The following BEST2 variants were observed in gnomAD, a reference collection of about 807,000 sequenced individuals.
BEST2 encodes the protein bestrophin-2a.
Under a neutral mutation model 49.0 loss-of-function variants are expected in BEST2, and 36 were observed. The observed-to-expected ratio is 0.73, with a 90% CI of 0.56 to 0.97. The LOEUF (loss-of-function observed/expected upper bound fraction) is 0.97. Among genes scored for constraint, BEST2 ranks in the 50% least tolerant of loss-of-function variants. The pLI is 0.00. For synonymous variants in BEST2, 335 were observed against 304.4 expected, an observed-to-expected ratio of 1.10 and a Z score of -1.05; for missense variants, 672 against 710.0, an observed-to-expected ratio of 0.95 and a Z score of 0.61.
At chr19:12,756,600 T>G in intron 9 of BEST2, 1 of 351,294 alleles carries the variant, frequency 2.8e-6, no homozygotes, top group South Asian at 3.4e-5. Flanking sequence ...TCCCAGTACT[T>G]TGGGAGGCTG....
At position 12,758,054 on chromosome 19, in the gene BEST2, G is replaced by T; in HGVS notation, c.1507G>T (p.Glu503Ter). The T allele has an allele frequency of 6.2e-7, 1 of 1,611,850 alleles. No homozygotes were observed. The change falls in exon 10 of 10, where the codon GAG becomes TAG. Residue 503 changes from glutamate (E) to a stop codon, truncating the protein, a stop_gained. Transcript: ENST00000553030. LOFTEE classifies it high-confidence loss of function. ...ACCCTGGCTGCCCAGCCCTATTGGC[G>T]AGGAGGAGGAGAATCTGGCCTGAGA... Reference protein sequence around the residue: ...APPWLPSPIGEEEENLA With the variant: ...APPWLPSPIG
chr19:12,752,722 A>G lies in BEST2; in HGVS notation c.130A>G (p.Met44Val). The change falls in exon 2 of 10, where the codon ATG becomes GTG. Residue 44 changes from methionine (M) to valine (V), a missense_variant. Around this residue, in one of 3 missense-constraint regions of BEST2, gnomAD observed 365 missense variants for 390.9 expected, o/e 0.93. Coordinates refer to ENST00000553030, the MANE Select transcript of BEST2 (RefSeq NM_017682.3). ...RELLCFLGFY[M>V]ALSAAYRFVL... is the part of the protein sequence containing the mutation. ...GCTGCTCTGCTTCCTTGGGTTCTAC[A>G]TGGCGCTGAGTGCTGCCTACCGGTG... is the stretch of plus-strand genomic sequence containing the variant. The G allele has an allele frequency of 1.2e-6, 2 of 1,612,158 alleles. No homozygotes were observed. The highest frequency in any genetic ancestry group is 1.7e-6 in the Non-Finnish European group (2 of 1,179,742).
intron 9 of BEST2, chr19:12,756,545 A>G (rs1213383115): frequency 1.5e-5 from 8 of 533,378 alleles, no homozygotes; most frequent in African/African-American, 3.8e-5. Flanking sequence ...GGTGATTCCA[A>G]AGGAGATGAG....
Position 12,754,662 on chromosome 19 carries a change from CGCG to C in BEST2, c.361_363del (p.Gly121del). The C allele has an allele frequency of 1.3e-6, 2 of 1,560,138 alleles. No individual in the cohort carries two copies. The highest frequency in any genetic ancestry group is 1.7e-6 in the Non-Finnish European group (2 of 1,151,846). ...GGGCACCGTGCACGGACGCGACGAC[CGCG>C]GCCGCCTCTACCGGCGCACACTCAT... is the stretch of plus-strand genomic sequence containing the variant. On this transcript the variant is annotated inframe_deletion, in exon 4 of 10. Transcript: ENST00000553030.
intron 3 of BEST2, 143 bp downstream of exon 3, chr19:12,753,497 G>T: frequency 1.4e-6 from 1 of 740,656 alleles, no homozygotes. Context: ...CCCATTTTTG[G>T]ATCCATATCA....
At position 12,755,590 on chromosome 19, in the gene BEST2, C is replaced by T. The variant is rs1967932524; in HGVS notation, c.715-25C>T. On this transcript the variant is annotated intron_variant, in intron 6 of 9. Coordinates refer to ENST00000553030, the MANE Select transcript of BEST2 (RefSeq NM_017682.3). The surrounding 1 kb of genome is among the most constrained non-coding windows in gnomAD (Gnocchi z 4.4). The stretch of plus-strand genomic sequence containing the variant: ...CTAGCCTTGGACCCCAATGACCCCC[C>T]TGAGCCCTGCCCCGCCCTGCCCAGG... 6.2e-7 allele frequency: 1 copy of T among 1,610,474 alleles called. No individual in the cohort carries two copies. The highest frequency in any genetic ancestry group is 8.5e-7 in the Non-Finnish European group (1 of 1,177,778).
Position 12,754,700 on chromosome 19 carries a change from A to G in BEST2, c.396A>G (p.Ala132=), listed in dbSNP as rs777361092. 6 of 1,587,356 alleles carry G rather than the reference A, an allele frequency of 3.8e-6. No homozygotes were observed. Among genetic ancestry groups the G allele is most frequent in the Non-Finnish European group, 5.1e-6 (6 of 1,166,718 alleles). The part of the protein sequence containing the change: ...RLYRRTLMRY[A]GLSAVLILRS... ...ACCGGCGCACACTCATGCGCTACGC[A>G]GGGCTCTCGGCCGTGCTCATCCTGC... The change falls in exon 4 of 10, where the codon GCA becomes GCG. Residue 132 remains alanine, a synonymous_variant. Transcript: ENST00000553030.
chr19:12,755,585 C>T lies in BEST2; in HGVS notation c.715-30C>T, dbSNP rs375224739. ...TAATCCTAGCCTTGGACCCCAATGA[C>T]CCCCCTGAGCCCTGCCCCGCCCTGC... On this transcript the variant is annotated intron_variant, in intron 6 of 9. Transcript: ENST00000553030. The surrounding 1 kb of genome is among the most constrained non-coding windows in gnomAD (Gnocchi z 4.4). 6.2e-7 allele frequency: 1 copy of T among 1,608,346 alleles called. No homozygotes were observed. The highest frequency in any genetic ancestry group is 8.5e-7 in the Non-Finnish European group (1 of 1,176,248).
In BEST2 at chr19:12,754,577, C is replaced by T. The variant is rs1204597745; in HGVS notation, c.273C>T (p.Asn91=). 2 of 1,539,880 alleles carry T rather than the reference C, an allele frequency of 1.3e-6. No homozygotes were observed. The highest frequency in any genetic ancestry group is 1.8e-6 in the Non-Finnish European group (2 of 1,135,558). The part of the protein sequence containing the change: ...VLGFYVTLVV[N]RWWSQYLCMP... ...GCTTTTATGTGACGCTGGTGGTGAA[C>T]CGCTGGTGGAGCCAGTACCTATGCA... Residue 91 remains asparagine, a synonymous_variant, in exon 4 of 10, where the codon AAC becomes AAT. Coordinates refer to ENST00000553030, the MANE Select transcript of BEST2 (RefSeq NM_017682.3).
In BEST2 at chr19:12,754,752, C is replaced by G; in HGVS notation, c.448C>G (p.Arg150Gly). ...CTCCGTCAGCACCGCGGTGTTCAAG[C>G]GCTTCCCCACCATAGACCACGTGGT... is the stretch of plus-strand genomic sequence containing the variant. ...LRSVSTAVFK[R>G]FPTIDHVVEA... The change falls in exon 4 of 10, where the codon CGC becomes GGC. Residue 150 changes from arginine (R) to glycine (G), a missense_variant. By Grantham distance (125) the Arg-to-Gly change is moderately radical. Coordinates refer to ENST00000553030, the MANE Select transcript of BEST2 (RefSeq NM_017682.3). 2 of 1,589,256 alleles carry G rather than the reference C, an allele frequency of 1.3e-6. No individual in the cohort carries two copies. Among genetic ancestry groups the G allele is most frequent in the Non-Finnish European group, 8.6e-7 (1 of 1,167,634 alleles).
intron 9 of BEST2, among the ~76,000 whole-genome samples, chr19:12,757,117 T>C (rs778325381): frequency 2.0e-5 from 3 of 152,130 alleles, no homozygotes; most frequent in Non-Finnish European, 4.4e-5. Context: ...CACTCCAGCC[T>C]GGGCCACAAG....
rs34896167 is a variant in BEST2, at chr19:12,754,776, G to A, written c.472G>A (p.Val158Met). Residue 158 changes from valine to methionine, a missense_variant, in exon 4 of 10, where the codon GTG becomes ATG. Physicochemically the swap from Val to Met is conservative, Grantham distance 21. Around this residue, in one of 3 missense-constraint regions of BEST2, gnomAD observed 365 missense variants for 390.9 expected, o/e 0.93. Coordinates refer to ENST00000553030, the MANE Select transcript of BEST2 (RefSeq NM_017682.3). ...FKRFPTIDHVVEAGFMTREER... is the reference protein window; with the variant it reads ...FKRFPTIDHVMEAGFMTREER... ...GCGCTTCCCCACCATAGACCACGTGGTGGAGGCTGGTGAGTACTCGGCCAG... is the reference window on the plus strand; with the variant it reads ...GCGCTTCCCCACCATAGACCACGTGATGGAGGCTGGTGAGTACTCGGCCAG... The A allele has an allele frequency of 2.9e-3, 4,514 of 1,580,890 alleles. 117 individuals are homozygous for A. In the African/African-American group the frequency reaches 0.053, roughly 19 times the overall value.
In BEST2 at chr19:12,752,614, C is replaced by T; in HGVS notation, c.22C>T (p.Arg8Ter). 1.9e-6 allele frequency: 3 copies of T among 1,612,092 alleles called. No homozygotes were observed. The highest frequency in any genetic ancestry group is 1.1e-5 in the South Asian group (1 of 90,976). Residue 8 changes from arginine to a stop codon, truncating the protein, a stop_gained, in exon 2 of 10, where the codon CGA (arginine) becomes TGA (stop). Coordinates refer to ENST00000553030, the MANE Select transcript of BEST2 (RefSeq NM_017682.3). LOFTEE classifies it high-confidence loss of function. ...CACGATGACCGTCACCTACACAGCC[C>T]GAGTGGCGAACGCCCGCTTCGGTGG... MTVTYTA[R>*]VANARFGGFS...
In BEST2 at chr19:12,757,745, G is replaced by A. The variant is rs1334983274; in HGVS notation, c.1198G>A (p.Ala400Thr). The A allele has an allele frequency of 8.4e-6, 13 of 1,543,990 alleles. No individual in the cohort carries two copies. In the South Asian group the frequency reaches 1.5e-4, roughly 18 times the overall value. ...CGACTTCCTGCAGCGCCTCCTGCCG[G>A]CGGGCGCGGGCATGGTCGCGGGAGG... is the stretch of plus-strand genomic sequence containing the variant. Reference protein sequence around the residue: ...PGDFLQRLLPAGAGMVAGGPL... With the variant: ...PGDFLQRLLPTGAGMVAGGPL... The change falls in exon 10 of 10, where the codon GCG (alanine) becomes ACG (threonine). Residue 400 changes from alanine to threonine, a missense_variant. This residue lies in a region of BEST2 where 291 missense variants were observed against 279.8 expected (regional missense o/e 1.04). Transcript: ENST00000553030.
Position 12,758,394 on chromosome 19 carries a change from G to C in BEST2, c.*317G>C. On this transcript the variant is annotated 3_prime_UTR_variant, in exon 10 of 10. Coordinates refer to ENST00000553030, the MANE Select transcript of BEST2 (RefSeq NM_017682.3). ...TCCTCGAGTTGTCATGAGGATGAAAGAATGGCATTAAAGCATTTGGTATAC... is the reference window on the plus strand; with the variant it reads ...TCCTCGAGTTGTCATGAGGATGAAACAATGGCATTAAAGCATTTGGTATAC... 1 of 443,244 alleles carries C rather than the reference G, an allele frequency of 2.3e-6. No homozygotes were observed. The highest frequency in any genetic ancestry group is 4.0e-6 in the Non-Finnish European group (1 of 249,502). 27.5% of individuals were successfully genotyped at this position (443,244 alleles called of 1,614,324 possible).
chr19:12,753,056 G>A (rs1198749296), intron 2 of BEST2, among the ~76,000 whole-genome samples: 2 of 151,910 alleles, frequency 1.3e-5, no homozygotes, highest in East Asian at 3.9e-4. Flanking sequence ...TCACCGTGTT[G>A]ACCAGGCTGG....
At chr19:12,752,347 C>T (rs116115952) in intron 1 of BEST2, among the ~76,000 whole-genome samples, 195 bp from the exon 2 acceptor site, 1,814 of 151,646 alleles carry the variant, frequency 0.012, 43 homozygotes, top group African/African-American at 0.042. Context: ...TACCAGAGCC[C>T]ACGGCCAGGA....
At position 12,754,712 on chromosome 19, in the gene BEST2, C is replaced by T. The variant is rs36032297; in HGVS notation, c.408C>T (p.Ala136=). 2.1e-3 allele frequency: 3,284 copies of T among 1,590,912 alleles called. 65 individuals are homozygous for T. The African/African-American group carries it at 0.04, about 19-fold the overall frequency. Residue 136 remains alanine, a synonymous_variant, in exon 4 of 10, where the codon GCC becomes GCT. Coordinates refer to ENST00000553030, the MANE Select transcript of BEST2 (RefSeq NM_017682.3). Reference sequence around the variant, plus strand: ...TCATGCGCTACGCAGGGCTCTCGGCCGTGCTCATCCTGCGCTCCGTCAGCA... The same window carrying T: ...TCATGCGCTACGCAGGGCTCTCGGCTGTGCTCATCCTGCGCTCCGTCAGCA... ...RTLMRYAGLS[A]VLILRSVSTA...
intron 3 of BEST2, among the ~76,000 whole-genome samples, chr19:12,754,062 C>CTTTTTTTTTTTTTTTT (rs36076549): frequency 1.8e-5 from 1 of 54,428 alleles, no homozygotes; most frequent in Non-Finnish European, 3.5e-5. Context: ...GCTGCTCTGC[C>CTTTTTTTTTTTTTTTT]TTTTTTTTTT....
Sources: gnomAD v4.1 joint callset for allele counts (sites outside exome capture counted in the v4.1 genomes callset) on GRCh38, gnomAD v4.1.1 for gene constraint, gnomAD v4.1.1 regional missense constraint, Gnocchi (gnomAD v3.1) non-coding constraint, MANE v1.5 for transcripts, NCBI Gene and HGNC (gene_info 2026-07-23, HGNC 2026-07-21) for gene names.